The following KCNN2 variants were observed in gnomAD, a reference collection of about 807,000 sequenced individuals.
The protein encoded by KCNN2 is potassium calcium-activated channel subfamily N member 2, also known as small conductance calcium-activated potassium channel protein 2.
In KCNN2, 24 loss-of-function variants were observed where a neutral mutation model predicts 55.5. The observed-to-expected ratio is 0.43, with a 90% CI of 0.31 to 0.61. The LOEUF is 0.61. Among genes scored for constraint, KCNN2 ranks in the 20% least tolerant of loss-of-function variants. The pLI, the probability that KCNN2 is intolerant of heterozygous loss-of-function variation, is 0.08. For synonymous variants in KCNN2, 431 were observed against 336.1 expected, an observed-to-expected ratio of 1.28 and a Z score of -3.09; for missense variants, 754 against 853.6, an observed-to-expected ratio of 0.88 and a Z score of 1.45.
chr5:114,414,803 T>G (rs1443954552), intron 3 of KCNN2, among the ~76,000 whole-genome samples: 1 of 152,198 alleles, frequency 6.6e-6, no homozygotes, highest in African/African-American at 2.4e-5. Flanking sequence ...AGGATCTTTG[T>G]CATTTTTTAA....
At chr5:114,143,067 C>T (rs1752320963) in intron 1 of KCNN2, among the ~76,000 whole-genome samples, 1 of 151,966 alleles carries the variant, frequency 6.6e-6, no homozygotes, top group Non-Finnish European at 1.5e-5. Context: ...AAGCTGGGTC[C>T]AGGGGGGTCA....
intron 2 of KCNN2, among the ~76,000 whole-genome samples, chr5:114,285,127 TA>T (rs1283784981): frequency 6.7e-6 from 1 of 149,780 alleles, no homozygotes; most frequent in South Asian, 2.1e-4. Context: ...CTAAAAAATG[TA>T]AAAAAATTAG....
In KCNN2 at chr5:114,487,116, A is replaced by C; in HGVS notation, c.1957A>C (p.Lys653Gln). Residue 653 changes from lysine (K) to glutamine (Q), a missense_variant, in exon 6 of 8, where the codon AAA (lysine) becomes CAA (glutamine). Transcript: ENST00000673685. ...AATTTACAAAAATACAAAGCTAGTG[A>C]AAAAGATAGATCATGCAAAAGTAAG... ...WLIYKNTKLV[K>Q]KIDHAKVRKH... is the part of the protein sequence containing the mutation. The C allele has an allele frequency of 6.2e-7, 1 of 1,612,950 alleles. No individual in the cohort carries two copies. Among genetic ancestry groups the C allele is most frequent in the Non-Finnish European group, 8.5e-7 (1 of 1,179,154 alleles).
intron 1 of KCNN2, among the ~76,000 whole-genome samples, chr5:114,072,073 AC>A (rs768537129): frequency 1.3e-5 from 2 of 152,130 alleles, no homozygotes; most frequent in Non-Finnish European, 2.9e-5. Context: ...TGGGTGGATC[AC>A]CTGAGGTCGG....
At chr5:114,384,903 T>G (rs944378333) in intron 2 of KCNN2, among the ~76,000 whole-genome samples, 1 of 152,166 alleles carries the variant, frequency 6.6e-6, no homozygotes, top group Non-Finnish European at 1.5e-5. Context: ...GCAAATAAAT[T>G]ATGAGTCCTT....
At chr5:114,407,470 TCTGG>T in intron 3 of KCNN2, among the ~76,000 whole-genome samples, 1 of 152,172 alleles carries the variant, frequency 6.6e-6, no homozygotes, top group South Asian at 2.1e-4. Flanking sequence ...GAAACTTTTC[TCTGG>T]AGATGTTAAT....
chr5:114,265,285 G>A (rs192195002), intron 2 of KCNN2, among the ~76,000 whole-genome samples: 3 of 151,880 alleles, frequency 2.0e-5, no homozygotes, highest in Admixed American at 1.3e-4. Flanking sequence ...TATACATGTT[G>A]TATTAGGGTT....
intron 2 of KCNN2, among the ~76,000 whole-genome samples, chr5:114,336,171 C>G (rs1756920149): frequency 1.3e-5 from 2 of 152,122 alleles, no homozygotes. Context: ...TGGAAACAAA[C>G]ATGTTTTAAA....
At chr5:114,404,111 A>G (rs1225588245) in intron 2 of KCNN2, among the ~76,000 whole-genome samples, 1 of 152,214 alleles carries the variant, frequency 6.6e-6, no homozygotes, top group African/African-American at 2.4e-5. Flanking sequence ...TTATAAGGCG[A>G]GTCCATTTCG....
intron 2 of KCNN2, among the ~76,000 whole-genome samples, chr5:114,324,300 G>A (rs1475098579): frequency 6.6e-6 from 1 of 152,190 alleles, no homozygotes; most frequent in Non-Finnish European, 1.5e-5. Flanking sequence ...GGTCTTTGCA[G>A]ATATGATTAA....
intron 2 of KCNN2, among the ~76,000 whole-genome samples, chr5:114,306,521 T>A (rs1381090390): frequency 6.6e-6 from 1 of 152,176 alleles, no homozygotes; most frequent in Non-Finnish European, 1.5e-5. Context: ...CATGCTTTAC[T>A]GGTCAGAGAA....
At chr5:114,285,030 C>T (rs1175468112) in intron 2 of KCNN2, among the ~76,000 whole-genome samples, 1 of 151,456 alleles carries the variant, frequency 6.6e-6, no homozygotes, top group East Asian at 2.0e-4. Context: ...TGCCTGTAAT[C>T]CCAGGACTTT....
In KCNN2 at chr5:114,495,579, T is replaced by C. The variant is rs545204885; in HGVS notation, c.2089-316T>C. ...TGATGTACTAACCTTTGTGACAACCTTTAAAATACATATATAAATATTCAA... is the reference window on the plus strand; with the variant it reads ...TGATGTACTAACCTTTGTGACAACCCTTAAAATACATATATAAATATTCAA... On this transcript the variant is annotated intron_variant, in intron 7 of 7. Coordinates refer to ENST00000673685, the MANE Select transcript of KCNN2 (RefSeq NM_021614.4). Among the ~76,000 whole-genome samples, 93 of 152,212 alleles carry C rather than the reference T, an allele frequency of 6.1e-4. 1 individual carries two copies. The highest frequency in any genetic ancestry group is 1.9e-4 in the Non-Finnish European group (13 of 68,036).
intron 1 of KCNN2, among the ~76,000 whole-genome samples, chr5:114,118,210 ATTG>A (rs1169986238): frequency 6.6e-5 from 10 of 152,146 alleles, no homozygotes; most frequent in Non-Finnish European, 1.3e-4. Flanking sequence ...GCGGTGCTCT[ATTG>A]TTGAGTCATT....
intron 1 of KCNN2, among the ~76,000 whole-genome samples, chr5:114,215,161 T>A (rs188313299): frequency 6.6e-6 from 1 of 152,250 alleles, no homozygotes; most frequent in East Asian, 1.9e-4. Flanking sequence ...ACAGTTCGTA[T>A]TTGTATTGTA....
intron 1 of KCNN2, among the ~76,000 whole-genome samples, chr5:114,170,806 C>T (rs1753017514): frequency 6.6e-6 from 1 of 151,984 alleles, no homozygotes; most frequent in Admixed American, 6.6e-5. Flanking sequence ...GTGCCCTAAA[C>T]TACATTCTTG....
chr5:114,301,608 G>A (rs1254858334), intron 2 of KCNN2, among the ~76,000 whole-genome samples: 1 of 152,142 alleles, frequency 6.6e-6, no homozygotes, highest in African/African-American at 2.4e-5. Context: ...TCTGCACTGA[G>A]GCTCGGGGAA....
upstream of KCNN2, among the ~76,000 whole-genome samples, chr5:114,359,238 C>G (rs765527061): frequency 6.6e-6 from 1 of 152,076 alleles, no homozygotes; most frequent in Non-Finnish European, 1.5e-5. Flanking sequence ...TTTGGTGTTC[C>G]GACAGTCCCT....
At chr5:114,092,941 C>T (rs1220487962) in intron 1 of KCNN2, among the ~76,000 whole-genome samples, 2 of 152,178 alleles carry the variant, frequency 1.3e-5, no homozygotes, top group African/African-American at 4.8e-5. Flanking sequence ...TCTGACATGC[C>T]TTAGAGACAT....
Sources: allele counts gnomAD v4.1 joint callset (sites outside exome capture counted in the v4.1 genomes callset), GRCh38; gene constraint gnomAD v4.1.1; transcripts MANE v1.5; gene names NCBI Gene and HGNC (gene_info 2026-07-23, HGNC 2026-07-21).